SLCO1A2: variants seen among roughly 807,000 people sequenced by gnomAD.
The protein encoded by SLCO1A2 is solute carrier organic anion transporter family member 1A2, also known as OATP-1.
Under a neutral mutation model 69.0 loss-of-function variants are expected in SLCO1A2, and 67 were observed. That is an observed-to-expected ratio of 0.97 (90% CI 0.80 to 1.19). The LOEUF (loss-of-function observed/expected upper bound fraction) is 1.19. Ranked by LOEUF, SLCO1A2 falls within the 50% of genes most tolerant of loss-of-function variation. SLCO1A2 has a pLI of 0.00. For missense variants in SLCO1A2, 787 were observed against 793.7 expected (o/e 0.99, Z 0.10); for synonymous variants, 260 against 265.9 (o/e 0.98, Z 0.22).
intron 2 of SLCO1A2, chr12:21,373,189 A>G (rs920899439): frequency 1.5e-6 from 1 of 646,802 alleles, no homozygotes; most frequent in Non-Finnish European, 2.7e-6. Context: ...AGTGGACAAT[A>G]TTAAGGGACT....
In SLCO1A2 at chr12:21,269,492, C is replaced by A; in HGVS notation, c.*56G>T. On this transcript the variant is annotated 3_prime_UTR_variant, in exon 15 of 15. Transcript: ENST00000683939. ...ATTATATCTCTACTGATTTTTAAAA[C>A]AATTAAGTTGTACAGCATGTTCTCT... 7.5e-7 allele frequency: 1 copy of A among 1,334,416 alleles called. No homozygotes were observed. The highest frequency in any genetic ancestry group is 1.0e-6 in the Non-Finnish European group (1 of 955,194). The allele number at this position is 1,334,416 out of a possible 1,614,324, so 82.7% of individuals were successfully genotyped here.
intron 1 of SLCO1A2, 33 bp downstream of exon 1, chr12:21,334,794 A>T (rs556543736): frequency 5.3e-5 from 33 of 620,036 alleles, no homozygotes; most frequent in Non-Finnish European, 8.0e-5. Flanking sequence ...AAAATGAACA[A>T]CATAATTGAA....
At chr12:21,341,798 A>G (rs1355347934) in intron 2 of SLCO1A2, among the ~76,000 whole-genome samples, 1 of 152,002 alleles carries the variant, frequency 6.6e-6, no homozygotes, top group African/African-American at 2.4e-5. Context: ...CATATAAAGG[A>G]AACAGTTTGG....
In SLCO1A2 at chr12:21,266,236, C is replaced by T. The variant is rs1031034333; in HGVS notation, c.*3312G>A. On this transcript the variant is annotated 3_prime_UTR_variant, in exon 15 of 15. Coordinates refer to ENST00000683939, the MANE Select transcript of SLCO1A2 (RefSeq NM_001386879.1). Reference sequence around the variant, plus strand: ...TCGAGCTTTTCTTTAATTACTTAGTCTTTGTCTTGTCTTTCTTATTGTTAG... The same window carrying T: ...TCGAGCTTTTCTTTAATTACTTAGTTTTTGTCTTGTCTTTCTTATTGTTAG... The T allele has an allele frequency of 9.9e-5, 15 of 152,136 alleles. No individual in the cohort carries two copies. Among genetic ancestry groups the T allele is most frequent in the African/African-American group, 3.6e-4 (15 of 41,430 alleles). 9.4% of individuals were successfully genotyped at this position (152,136 alleles called of 1,614,324 possible).
intron 2 of SLCO1A2, among the ~76,000 whole-genome samples, chr12:21,356,597 T>C (rs995078189): frequency 6.6e-6 from 1 of 152,074 alleles, no homozygotes; most frequent in Non-Finnish European, 1.5e-5. Flanking sequence ...AAATGTGACA[T>C]AGAAAAGTAG....
At chr12:21,274,169 A>G (rs1436575208) in intron 14 of SLCO1A2, 3 of 205,340 alleles carry the variant, frequency 1.5e-5, no homozygotes, top group Non-Finnish European at 3.0e-5. Context: ...TTGGATAGGT[A>G]TCAGTGTACA....
chr12:21,355,860 T>C (rs1938323676), intron 2 of SLCO1A2, among the ~76,000 whole-genome samples: 1 of 152,188 alleles, frequency 6.6e-6, no homozygotes, highest in African/African-American at 2.4e-5. Context: ...TAAAACTGAT[T>C]ATTTCTAATT....
intron 2 of SLCO1A2, among the ~76,000 whole-genome samples, chr12:21,327,045 TA>T (rs1952293277): frequency 6.6e-6 from 1 of 151,938 alleles, no homozygotes; most frequent in South Asian, 2.1e-4. Flanking sequence ...CCCAGAGGCC[TA>T]GGAGGAAAAA....
At chr12:21,384,587 T>C (rs1015601608) in intron 1 of SLCO1A2, among the ~76,000 whole-genome samples, 2 of 152,102 alleles carry the variant, frequency 1.3e-5, no homozygotes, top group Admixed American at 1.3e-4. Context: ...GGGTTGTAAG[T>C]AGATTAGAAT....
upstream of SLCO1A2, among the ~76,000 whole-genome samples, chr12:21,398,683 A>G (rs1054187107): frequency 6.6e-6 from 1 of 151,772 alleles, no homozygotes; most frequent in Non-Finnish European, 1.5e-5. Flanking sequence ...CACCATGATC[A>G]AGTGGGCTTC....
intron 14 of SLCO1A2, among the ~76,000 whole-genome samples, chr12:21,271,777 A>G (rs189023943): frequency 2.0e-5 from 3 of 148,248 alleles, no homozygotes; most frequent in Non-Finnish European, 3.0e-5. Context: ...ATGTAAATAT[A>G]CATTTATATA....
At chr12:21,331,383 T>G (rs1398958808) in intron 2 of SLCO1A2, among the ~76,000 whole-genome samples, 1 of 152,152 alleles carries the variant, frequency 6.6e-6, no homozygotes, top group Non-Finnish European at 1.5e-5. Flanking sequence ...ATAATTTGTT[T>G]GTTTTCTTTT....
rs998593164 is a variant in SLCO1A2, at chr12:21,377,276, A to T, written c.-189-2751T>A. 2.6e-5 allele frequency among the ~76,000 whole-genome samples: 4 copies of T among 152,202 alleles called. No individual in the cohort carries two copies. In the South Asian group the frequency reaches 6.2e-4, roughly 24 times the overall value. On this transcript the variant is annotated intron_variant, in intron 1 of 15. Coordinates refer to the SLCO1A2 transcript ENST00000307378. The stretch of plus-strand genomic sequence containing the variant: ...AAATGTATTTATGCTAAAAGTAATA[A>T]AACTCTCACACTGCAATAGAGTACC...
At chr12:21,359,140 G>A (rs1454301824) in intron 2 of SLCO1A2, among the ~76,000 whole-genome samples, 1 of 152,136 alleles carries the variant, frequency 6.6e-6, no homozygotes, top group Non-Finnish European at 1.5e-5. Flanking sequence ...AAAACTAGAA[G>A]ATTTTTATAT....
At chr12:21,324,660 T>C (rs1322531757) in intron 2 of SLCO1A2, 1 of 152,204 alleles carries the variant, frequency 6.6e-6, no homozygotes, top group Non-Finnish European at 1.5e-5. Flanking sequence ...CTTCACCCAA[T>C]TGCTCTAAAG....
rs763126452 is a variant in SLCO1A2, at chr12:21,314,686, G to GA, written c.203-6dup. 2 of 1,584,798 alleles carry GA rather than the reference G, an allele frequency of 1.3e-6. No homozygotes were observed. The highest frequency in any genetic ancestry group is 1.7e-6 in the Non-Finnish European group (2 of 1,155,654). On this transcript the variant is annotated splice_polypyrimidine_tract_variant and splice_region_variant and intron_variant, in intron 3 of 14. Transcript: ENST00000683939. ...ATATAATCAACAAAAGATTTCCTAG[G>GA]AAAAAATTGAGAATAATCATTTTAA... is the stretch of plus-strand genomic sequence containing the variant.
At chr12:21,404,458 C>T (rs1941789659) in intron 1 of SLCO1A2, among the ~76,000 whole-genome samples, 4 of 152,126 alleles carry the variant, frequency 2.6e-5, no homozygotes, top group Non-Finnish European at 5.9e-5. Context: ...CATTGTTCAG[C>T]TCCCACTATT....
At chr12:21,406,666 T>G (rs745640446) in intron 1 of SLCO1A2, among the ~76,000 whole-genome samples, 1 of 152,180 alleles carries the variant, frequency 6.6e-6, no homozygotes, top group Non-Finnish European at 1.5e-5. Flanking sequence ...CTTTTACAGA[T>G]AGGACACAGG....
chr12:21,292,820 C>A (rs1418315313), intron 11 of SLCO1A2, among the ~76,000 whole-genome samples: 1 of 152,030 alleles, frequency 6.6e-6, no homozygotes, highest in Admixed American at 6.6e-5. Context: ...TCTCGAACTC[C>A]TGACCTCAGA....
Sources: allele counts gnomAD v4.1 joint callset (sites outside exome capture counted in the v4.1 genomes callset), GRCh38; gene constraint gnomAD v4.1.1; transcripts MANE v1.5; gene names NCBI Gene and HGNC (gene_info 2026-07-23, HGNC 2026-07-21).